KCNIP1: variants seen among roughly 807,000 people sequenced by gnomAD.
The protein encoded by KCNIP1 is A-type potassium channel modulatory protein KCNIP1.
In KCNIP1, 18 loss-of-function variants were observed where a neutral mutation model predicts 33.0. That is an observed-to-expected ratio of 0.55 (90% CI 0.38 to 0.81). The LOEUF is 0.81. KCNIP1 is among the 30% of genes least tolerant of loss of function. The pLI, the probability that KCNIP1 is intolerant of heterozygous loss-of-function variation, is 0.00. For missense variants in KCNIP1, 238 were observed against 271.6 expected (o/e 0.88, Z 0.87); for synonymous variants, 93 against 98.3 (o/e 0.95, Z 0.32).
intron 1 of KCNIP1, among the ~76,000 whole-genome samples, chr5:170,408,039 T>A (rs993104967): frequency 1.3e-5 from 2 of 152,214 alleles, no homozygotes; most frequent in Admixed American, 1.3e-4. Context: ...AGGATAATAG[T>A]TTTTAGCTTC....
Position 170,504,380 on chromosome 5 carries a change from ATG to A in KCNIP1, c.-190_-189del. ...GGAGCGGCTAGCCCTGAGTCCCTGC[ATG>A]TGCGGGGCTGAAGAAGGAAGCCAGA... On this transcript the variant is annotated 5_prime_UTR_variant, in exon 1 of 8. It removes the in-frame stop codon of an upstream open reading frame in the 5' UTR. Coordinates refer to ENST00000328939, the MANE Select transcript of KCNIP1 (RefSeq NM_014592.4). The surrounding 1 kb of genome is among the most constrained non-coding windows in gnomAD (Gnocchi z 6.0). The A allele has an allele frequency of 7.0e-7, 1 of 1,433,556 alleles. No individual in the cohort carries two copies. The highest frequency in any genetic ancestry group is 9.1e-7 in the Non-Finnish European group (1 of 1,099,486). 88.8% of individuals were successfully genotyped at this position (1,433,556 alleles called of 1,614,324 possible).
At position 170,353,886 on chromosome 5, in the gene KCNIP1, TG is replaced by T; in HGVS notation, c.11del (p.Cys4SerfsTer10). The T allele has an allele frequency of 6.2e-7, 1 of 1,614,128 alleles. No homozygotes were observed. Among genetic ancestry groups the T allele is most frequent in the Non-Finnish European group, 8.5e-7 (1 of 1,180,024 alleles). On this transcript the variant is annotated frameshift_variant, in exon 1 of 8. Transcript: ENST00000377360. LOFTEE classifies it high-confidence loss of function. ...GCTCCCCTCCGCCACCATGAGCGGC[TG>T]CTCCAAAAGATGCAAGCTTGGGTTC...
At chr5:170,556,944 G>A (rs926509457) in intron 1 of KCNIP1, among the ~76,000 whole-genome samples, 29 of 152,202 alleles carry the variant, frequency 1.9e-4, no homozygotes, top group Admixed American at 4.6e-4. Flanking sequence ...CAGTGTGGGC[G>A]TTCTGCCTTA....
intron 1 of KCNIP1, among the ~76,000 whole-genome samples, chr5:170,364,376 C>T (rs1036308367): frequency 2.0e-5 from 3 of 152,174 alleles, no homozygotes; most frequent in Admixed American, 6.5e-5. Context: ...TAAGTTTGAA[C>T]AATATTCCAT....
chr5:170,557,643 C>T (rs144760213), intron 1 of KCNIP1, among the ~76,000 whole-genome samples: 77 of 152,252 alleles, frequency 5.1e-4, no homozygotes, highest in Non-Finnish European at 8.5e-4. Context: ...CTATTTGAGC[C>T]ACATGACCAT....
intron 1 of KCNIP1, among the ~76,000 whole-genome samples, chr5:170,386,300 T>C (rs1162738748): frequency 1.3e-5 from 2 of 152,148 alleles, no homozygotes; most frequent in African/African-American, 2.4e-5. Flanking sequence ...ATTAGAGTGA[T>C]GTGACCACAG....
chr5:170,688,389 C>A (rs1380452699), intron 1 of KCNIP1, among the ~76,000 whole-genome samples: 2 of 152,194 alleles, frequency 1.3e-5, no homozygotes, highest in Non-Finnish European at 2.9e-5. Flanking sequence ...TATTTTGGTA[C>A]ATTTAGGTTG....
At chr5:170,710,393 A>T (rs1482549597) in intron 1 of KCNIP1, among the ~76,000 whole-genome samples, 1 of 152,162 alleles carries the variant, frequency 6.6e-6, no homozygotes, top group Non-Finnish European at 1.5e-5. Context: ...TATTTTCTTG[A>T]ACAAATGTTC....
chr5:170,642,484 T>C (rs960574938), intron 1 of KCNIP1, among the ~76,000 whole-genome samples: 2 of 152,198 alleles, frequency 1.3e-5, no homozygotes, highest in Non-Finnish European at 2.9e-5. Flanking sequence ...CTCAGTTCAC[T>C]GAGTAACTGT....
chr5:170,417,833 T>C (rs1755371439), intron 1 of KCNIP1, among the ~76,000 whole-genome samples: 1 of 152,198 alleles, frequency 6.6e-6, no homozygotes, highest in Admixed American at 6.5e-5. Context: ...TCCTAAGTCC[T>C]AACTTCCTAA....
chr5:170,498,507 A>G (rs1757352876), intron 1 of KCNIP1, among the ~76,000 whole-genome samples: 1 of 151,988 alleles, frequency 6.6e-6, no homozygotes, highest in Non-Finnish European at 1.5e-5. Context: ...TGCTACCCTG[A>G]ACTTACTGCA....
intron 1 of KCNIP1, chr5:170,484,015 T>G (rs1757030887): frequency 6.6e-6 from 1 of 152,088 alleles, no homozygotes; most frequent in African/African-American, 2.4e-5. Flanking sequence ...TTAGACAAGT[T>G]CTCAGGTCCC....
At chr5:170,669,089 C>T (rs1761819346) in intron 1 of KCNIP1, among the ~76,000 whole-genome samples, 1 of 152,202 alleles carries the variant, frequency 6.6e-6, no homozygotes, top group Non-Finnish European at 1.5e-5. Flanking sequence ...GCCTGCCCCA[C>T]TGATGGTGTG....
At chr5:170,534,286 A>G (rs1379691567) in intron 1 of KCNIP1, among the ~76,000 whole-genome samples, 1 of 152,138 alleles carries the variant, frequency 6.6e-6, no homozygotes, top group Non-Finnish European at 1.5e-5. Flanking sequence ...TACTGTTTAC[A>G]TTGGTCTGTG....
chr5:170,472,949 T>C (rs930179326), intron 1 of KCNIP1, among the ~76,000 whole-genome samples: 1 of 152,210 alleles, frequency 6.6e-6, no homozygotes, highest in Non-Finnish European at 1.5e-5. Flanking sequence ...AGATACCCAG[T>C]AGTGGGATTG....
intron 1 of KCNIP1, among the ~76,000 whole-genome samples, chr5:170,656,224 C>T (rs1031531721): frequency 6.6e-6 from 1 of 152,258 alleles, no homozygotes; most frequent in Non-Finnish European, 1.5e-5. Context: ...GAACAGCTTC[C>T]TCTCAGTTTT....
At chr5:170,515,076 C>T (rs1398335672) in intron 1 of KCNIP1, among the ~76,000 whole-genome samples, 1 of 152,142 alleles carries the variant, frequency 6.6e-6, no homozygotes, top group East Asian at 1.9e-4. Flanking sequence ...GTGACTTGCC[C>T]AAGTGCCCCG....
intron 1 of KCNIP1, among the ~76,000 whole-genome samples, chr5:170,415,991 C>T (rs1332447347): frequency 2.6e-5 from 4 of 151,950 alleles, no homozygotes; most frequent in Admixed American, 6.6e-5. Flanking sequence ...GAGAGGGGAG[C>T]GGGATTGGAG....
At chr5:170,590,053 A>AGTAT (rs1581368271) in intron 1 of KCNIP1, among the ~76,000 whole-genome samples, 1 of 152,252 alleles carries the variant, frequency 6.6e-6, no homozygotes, top group East Asian at 1.9e-4. Flanking sequence ...ATGTATAGGA[A>AGTAT]GTATGAGCAG....
Sources: gnomAD v4.1 joint callset for allele counts (sites outside exome capture counted in the v4.1 genomes callset) on GRCh38, gnomAD v4.1.1 for gene constraint, Gnocchi (gnomAD v3.1) non-coding constraint, MANE v1.5 for transcripts, NCBI Gene and HGNC (gene_info 2026-07-23, HGNC 2026-07-21) for gene names.